Variants in CDK13 observed in about 807,000 individuals in gnomAD.
CDK13 encodes the protein cyclin-dependent kinase 13.
A neutral mutation model predicts 137.6 loss-of-function variants in CDK13; 40 were observed. That is an observed-to-expected ratio of 0.29 (90% CI 0.23 to 0.38). The LOEUF is 0.38. CDK13 is among the 10% of genes least tolerant of loss of function. CDK13 has a pLI of 1.00. For synonymous variants in CDK13, 869 were observed against 760.1 expected (o/e 1.14, Z -2.36); for missense variants, 1,704 against 1,951.8 (o/e 0.87, Z 2.39).
chr7:39,966,368 A>G lies in CDK13; in HGVS notation c.1211+14516A>G, dbSNP rs372819075. Reference sequence around the variant, plus strand: ...CTCTTCTTGCTTCATTTCATCTTCCATCACTGATACCCTTTCTTCCAGTTG... The same window carrying G: ...CTCTTCTTGCTTCATTTCATCTTCCGTCACTGATACCCTTTCTTCCAGTTG... On this transcript the variant is annotated intron_variant, in intron 1 of 13. Transcript: ENST00000181839. Among the ~76,000 whole-genome samples, 43 of 152,014 alleles carry G rather than the reference A, an allele frequency of 2.8e-4. No homozygotes were observed. In the South Asian group the frequency reaches 5.6e-3, roughly 20 times the overall value.
At chr7:39,959,178 T>A (rs1787525085) in intron 1 of CDK13, among the ~76,000 whole-genome samples, 2 of 151,986 alleles carry the variant, frequency 1.3e-5, no homozygotes, top group Admixed American at 6.6e-5. Flanking sequence ...TATTTTAATT[T>A]CTTTCTTTTT....
intron 7 of CDK13, among the ~76,000 whole-genome samples, chr7:40,052,712 A>G (rs1203008881): frequency 6.6e-6 from 1 of 152,222 alleles, no homozygotes; most frequent in Middle Eastern, 3.2e-3. Context: ...AAGCAAAACT[A>G]AATTTTCCTA....
chr7:40,054,400 A>G (rs1057095985), intron 7 of CDK13, among the ~76,000 whole-genome samples: 14 of 151,866 alleles, frequency 9.2e-5, no homozygotes, highest in African/African-American at 3.1e-4. Context: ...ATTACCTGTA[A>G]TTTTTCCCAT....
At chr7:40,021,013 C>T (rs925603728) in intron 5 of CDK13, among the ~76,000 whole-genome samples, 6 of 149,608 alleles carry the variant, frequency 4.0e-5, no homozygotes, top group East Asian at 2.0e-4. Flanking sequence ...ATCACTTGAA[C>T]GCAGGAGGCA....
Position 40,093,166 on chromosome 7 carries a change from G to C in CDK13, c.3617G>C (p.Arg1206Thr). Reference protein sequence around the residue: ...SKQKDVLLEERENGSGHEASL... With the variant: ...SKQKDVLLEETENGSGHEASL... Reference sequence around the variant, plus strand: ...CAGAAAGATGTGCTACTAGAAGAGAGGGAAAATGGATCGGGACATGAAGCG... The same window carrying C: ...CAGAAAGATGTGCTACTAGAAGAGACGGAAAATGGATCGGGACATGAAGCG... The change falls in exon 13 of 14, where the codon AGG (arginine) becomes ACG (threonine). Residue 1206 changes from arginine (R) to threonine (T), a missense_variant. Arg to Thr is a moderately conservative substitution (Grantham distance 71, BLOSUM62 -1). Coordinates refer to ENST00000181839, the MANE Select transcript of CDK13 (RefSeq NM_003718.5). The C allele has an allele frequency of 1.2e-6, 2 of 1,614,156 alleles. No homozygotes were observed. The highest frequency in any genetic ancestry group is 1.7e-6 in the Non-Finnish European group (2 of 1,180,026).
Position 40,003,206 on chromosome 7 carries a change from A to ACT in CDK13, c.2353+1194_2353+1195dup, listed in dbSNP as rs144732307. ...CACACACACACACACACACACACAC[A>ACT]CTCTCTCTCTCTCTCTCTCTTACTC... On this transcript the variant is annotated intron_variant, in intron 5 of 13. Transcript: ENST00000181839. 6.6e-3 allele frequency among the ~76,000 whole-genome samples: 529 copies of ACT among 79,886 alleles called. 9 individuals carry two copies. Among genetic ancestry groups the ACT allele is most frequent in the East Asian group, 0.037 (90 of 2,402 alleles). The allele number at this position is 79,886 out of a possible 152,430, so 52.4% of individuals were successfully genotyped here.
intron 2 of CDK13, among the ~76,000 whole-genome samples, chr7:39,995,930 A>G (rs1174395991): frequency 6.6e-6 from 1 of 152,122 alleles, no homozygotes; most frequent in African/African-American, 2.4e-5. Context: ...GAATCGCTTG[A>G]ACTCGGGAGA....
intron 1 of CDK13, among the ~76,000 whole-genome samples, chr7:39,958,307 A>G (rs942977731): frequency 1.3e-5 from 2 of 152,152 alleles, no homozygotes; most frequent in African/African-American, 4.8e-5. Context: ...TTTACCTAAC[A>G]TTAAATTATT....
intron 11 of CDK13, among the ~76,000 whole-genome samples, chr7:40,083,862 C>T (rs1233342031): frequency 6.6e-6 from 1 of 151,964 alleles, no homozygotes; most frequent in African/African-American, 2.4e-5. Flanking sequence ...ATTTTATAAA[C>T]AATATAATAT....
chr7:39,986,729 T>C (rs1032731074), intron 1 of CDK13: 3 of 152,252 alleles, frequency 2.0e-5, no homozygotes, highest in African/African-American at 7.2e-5. Context: ...GTTTTTACTT[T>C]GTTGCATTTT....
rs1451202905 is a variant in CDK13, at chr7:39,987,498, A to C, written c.1212-101A>C. ...AAAAATGTAACTTTGAAATTAAGTA[A>C]ATTTCTATTTTATTTCATAAACTTG... On this transcript the variant is annotated intron_variant, in intron 1 of 13. Transcript: ENST00000181839. 5.0e-6 allele frequency: 5 copies of C among 999,966 alleles called. No individual in the cohort carries two copies. In the East Asian group the frequency reaches 1.4e-4, roughly 28 times the overall value. 61.9% of individuals were successfully genotyped at this position (999,966 alleles called of 1,614,324 possible).
At chr7:40,086,568 G>T (rs926540509) in intron 11 of CDK13, among the ~76,000 whole-genome samples, 9 of 152,100 alleles carry the variant, frequency 5.9e-5, no homozygotes, top group African/African-American at 2.2e-4. Flanking sequence ...TTATTCTCTA[G>T]TGTTATCAGT....
At chr7:40,037,093 G>A (rs533004512) in intron 5 of CDK13, among the ~76,000 whole-genome samples, 119 of 152,288 alleles carry the variant, frequency 7.8e-4, no homozygotes, top group African/African-American at 2.7e-3. Flanking sequence ...TCCTTTGGGT[G>A]TTAGTTAGCT....
intron 5 of CDK13, among the ~76,000 whole-genome samples, chr7:40,021,354 G>A (rs1041226382): frequency 1.2e-4 from 18 of 151,730 alleles, no homozygotes; most frequent in African/African-American, 4.3e-4. Context: ...AAAATTAGCC[G>A]GCTTCGTGTT....
At chr7:39,975,454 C>A (rs1202105882) in intron 1 of CDK13, among the ~76,000 whole-genome samples, 1 of 152,006 alleles carries the variant, frequency 6.6e-6, no homozygotes, top group Non-Finnish European at 1.5e-5. Flanking sequence ...TGTTTGACCC[C>A]TATATGTGAG....
At chr7:40,064,762 CAT>C (rs1344189905) in intron 9 of CDK13, among the ~76,000 whole-genome samples, 1 of 148,544 alleles carries the variant, frequency 6.7e-6, no homozygotes, top group Non-Finnish European at 1.5e-5. Flanking sequence ...TCACCTGAAA[CAT>C]AGAAAACTTT....
At chr7:39,962,846 A>G (rs1472961306) in intron 1 of CDK13, among the ~76,000 whole-genome samples, 1 of 152,310 alleles carries the variant, frequency 6.6e-6, no homozygotes, top group East Asian at 1.9e-4. Context: ...ACATAATGCT[A>G]GCTAGTTTTC....
chr7:39,960,405 G>A (rs951410242), intron 1 of CDK13, among the ~76,000 whole-genome samples: 3 of 151,592 alleles, frequency 2.0e-5, no homozygotes, highest in Non-Finnish European at 4.4e-5. Context: ...ACAGGCGCCC[G>A]TCACCACGCT....
intron 5 of CDK13, among the ~76,000 whole-genome samples, chr7:40,024,355 G>A (rs1332672516): frequency 2.0e-5 from 3 of 152,184 alleles, no homozygotes; most frequent in Non-Finnish European, 4.4e-5. Flanking sequence ...GTAATCAGTA[G>A]ATGCCAGTTG....
Sources: gnomAD v4.1 joint callset for allele counts (sites outside exome capture counted in the v4.1 genomes callset) on GRCh38, gnomAD v4.1.1 for gene constraint, MANE v1.5 for transcripts, NCBI Gene and HGNC (gene_info 2026-07-23, HGNC 2026-07-21) for gene names.